HRH2: variants seen among roughly 807,000 people sequenced by gnomAD.
HRH2 encodes the protein histamine receptor H2.
HRH2 carries 4 observed loss-of-function variants against 20.1 expected under a neutral mutation model. That is an observed-to-expected ratio of 0.20 (90% CI 0.10 to 0.45). The LOEUF is 0.45. HRH2 is among the 20% of genes least tolerant of loss of function. The probability of loss-of-function intolerance (pLI) is 0.99; values close to 1 mark genes in which losing one functional copy is unlikely to be tolerated. For synonymous variants in HRH2, 197 were observed against 200.7 expected (o/e 0.98, Z 0.16); for missense variants, 250 against 461.6 (o/e 0.54, Z 4.20).
At chr5:175,673,928 C>G (rs1477446825) in intron 1 of HRH2, among the ~76,000 whole-genome samples, 1 of 152,162 alleles carries the variant, frequency 6.6e-6, no homozygotes, top group African/African-American at 2.4e-5. Flanking sequence ...TGGTCTCGAA[C>G]TCCTGACCTC....
intron 2 of HRH2, chr5:175,685,227 T>C (rs1273561322): frequency 6.4e-6 from 1 of 156,626 alleles, no homozygotes; most frequent in African/African-American, 2.4e-5. Context: ...ACAAAGCCAA[T>C]GCAGGATCTT....
In HRH2 at chr5:175,682,968, C is replaced by T. The variant is rs917553432; in HGVS notation, c.-266C>T. 3 of 420,320 alleles carry T rather than the reference C, an allele frequency of 7.1e-6. No homozygotes were observed. Among genetic ancestry groups the T allele is most frequent in the East Asian group, 4.0e-5 (1 of 25,284 alleles). The allele number at this position is 420,320 out of a possible 1,614,324, so 26.0% of individuals were successfully genotyped here. A position where few individuals can be genotyped will look rare whatever the true frequency, so the allele number is the denominator to read the frequency against. On this transcript the variant is annotated 5_prime_UTR_variant, in exon 2 of 3. Coordinates refer to ENST00000636584, the MANE Select transcript of HRH2 (RefSeq NM_001367711.1). ...GGAGTTTGATCCATGAACCTGGCTT[C>T]GAGGCCTTGCTTTTCTCTCTTCTTC...
chr5:175,672,563 C>A (rs554077331), intron 1 of HRH2, among the ~76,000 whole-genome samples: 1 of 152,196 alleles, frequency 6.6e-6, no homozygotes, highest in Non-Finnish European at 1.5e-5. Context: ...CAAAGATTAC[C>A]TGACACTTTC....
intron 1 of HRH2, among the ~76,000 whole-genome samples, chr5:175,671,425 G>T (rs1755535660): frequency 6.6e-6 from 1 of 152,202 alleles, no homozygotes; most frequent in African/African-American, 2.4e-5. Flanking sequence ...GAGGCTGGGG[G>T]AGAGAATAGA....
chr5:175,670,999 C>T (rs560226266), intron 1 of HRH2, among the ~76,000 whole-genome samples: 1 of 152,364 alleles, frequency 6.6e-6, no homozygotes, highest in East Asian at 1.9e-4. Context: ...GAATGGCGCA[C>T]ATGGGGTTAA....
At chr5:175,694,283 G>A (rs1490789386) in intron 2 of HRH2, among the ~76,000 whole-genome samples, 1 of 152,146 alleles carries the variant, frequency 6.6e-6, no homozygotes, top group Non-Finnish European at 1.5e-5. Context: ...TAAACATGGT[G>A]GCTTTGGAAG....
At chr5:175,692,518 G>A (rs924661957) in intron 2 of HRH2, among the ~76,000 whole-genome samples, 1 of 152,186 alleles carries the variant, frequency 6.6e-6, no homozygotes, top group Non-Finnish European at 1.5e-5. Flanking sequence ...ATGCCTCCCT[G>A]AGAGAATTAG....
At chr5:175,666,388 A>T (rs571777546) in intron 1 of HRH2, among the ~76,000 whole-genome samples, 1 of 152,046 alleles carries the variant, frequency 6.6e-6, no homozygotes, top group South Asian at 2.1e-4. Flanking sequence ...TGCAACAGAG[A>T]CCCCAGTTGA....
chr5:175,687,109 C>T lies in HRH2; in HGVS notation c.1076+2800C>T, dbSNP rs1229019674. Among the ~76,000 whole-genome samples the T allele has an allele frequency of 6.6e-6, 1 of 152,178 alleles. No individual in the cohort carries two copies. The highest frequency in any genetic ancestry group is 1.5e-5 in the Non-Finnish European group (1 of 68,022). On this transcript the variant is annotated intron_variant, in intron 2 of 2. Coordinates refer to ENST00000636584, the MANE Select transcript of HRH2 (RefSeq NM_001367711.1). The surrounding 1 kb of genome is among the most constrained non-coding windows in gnomAD (Gnocchi z 5.2). ...TCACGGCTATGGTCTGTCCTCCAGC[C>T]CCCAGGAGCAGGGGCAGAGGGCTTT... is the stretch of plus-strand genomic sequence containing the variant.
At chr5:175,694,738 G>A (rs1047813399) in intron 2 of HRH2, among the ~76,000 whole-genome samples, 1 of 152,172 alleles carries the variant, frequency 6.6e-6, no homozygotes, top group Non-Finnish European at 1.5e-5. Context: ...CCTCTGGATG[G>A]GAAGTGGAGC....
intron 2 of HRH2, among the ~76,000 whole-genome samples, chr5:175,700,887 C>CA (rs945828930): frequency 1.3e-5 from 2 of 150,186 alleles, no homozygotes; most frequent in Non-Finnish European, 3.0e-5. Flanking sequence ...GACTCTGTCT[C>CA]AAAAAAAAGA....
chr5:175,682,178 C>T (rs1312822189), intron 1 of HRH2, among the ~76,000 whole-genome samples: 2 of 152,224 alleles, frequency 1.3e-5, no homozygotes, highest in African/African-American at 2.4e-5. Flanking sequence ...TGAGGCAGAA[C>T]GTGTTTATTA....
chr5:175,686,576 C>T lies in HRH2; in HGVS notation c.1076+2267C>T, dbSNP rs1050072750. 6.6e-6 allele frequency among the ~76,000 whole-genome samples: 1 copy of T among 152,232 alleles called. No individual in the cohort carries two copies. The highest frequency in any genetic ancestry group is 2.4e-5 in the African/African-American group (1 of 41,458). On this transcript the variant is annotated intron_variant, in intron 2 of 2. Transcript: ENST00000636584. The surrounding 1 kb of genome is among the most constrained non-coding windows in gnomAD (Gnocchi z 4.7). ...GCTCATGGTCTAGTTAAGAAGCTGA[C>T]TGGTCAGATTCAGAGCCACACATGC...
At chr5:175,658,290 C>T (rs1008150187) in intron 1 of HRH2, 135 bp downstream of exon 1, 1 of 152,166 alleles carries the variant, frequency 6.6e-6, no homozygotes, top group African/African-American at 2.4e-5. Flanking sequence ...GGCCCCGAAC[C>T]CGGGTTCGAG....
intron 2 of HRH2, among the ~76,000 whole-genome samples, chr5:175,705,558 A>G (rs1756918281): frequency 6.6e-6 from 1 of 152,170 alleles, no homozygotes; most frequent in South Asian, 2.1e-4. Context: ...ACAGATGTAA[A>G]TAGTTATCAA....
chr5:175,707,891 TC>T lies in HRH2; in HGVS notation c.1190del (p.Ser397TrpfsTer18), dbSNP rs1302982121. On this transcript the variant is annotated frameshift_variant, in exon 3 of 3. Transcript: ENST00000636584. LOFTEE classifies it low-confidence loss of function (END_TRUNC). Reference protein sequence around the residue: ...RHMGGPSEELSGEPLSEEPQK... With the variant: ...RHMGGPSEELXGEPLSEEPQK... ...CATGGGAGGCCCCTCGGAGGAGCTA[TC>T]GGGGGAGCCACTGTCTGAGGAGCCA... is the stretch of plus-strand genomic sequence containing the variant. 2 of 399,060 alleles carry T rather than the reference TC, an allele frequency of 5.0e-6. No homozygotes were observed. The highest frequency in any genetic ancestry group is 2.1e-5 in the African/African-American group (1 of 48,620). 24.7% of individuals were successfully genotyped at this position (399,060 alleles called of 1,614,324 possible).
At position 175,681,778 on chromosome 5, in the gene HRH2, C is replaced by A. The variant is rs373844835; in HGVS notation, c.-525-931C>A. Among the ~76,000 whole-genome samples the A allele has an allele frequency of 2.6e-5, 4 of 152,152 alleles. No homozygotes were observed. The highest frequency in any genetic ancestry group is 9.7e-5 in the African/African-American group (4 of 41,442). The stretch of plus-strand genomic sequence containing the variant: ...AACCTATTCATGGTGAGCCTCCCCA[C>A]AGACTGTTATGCAACCATTAGAAGG... On this transcript the variant is annotated intron_variant, in intron 1 of 2. Transcript: ENST00000636584. The surrounding 1 kb of genome is among the most constrained non-coding windows in gnomAD (Gnocchi z 4.3).
intron 2 of HRH2, among the ~76,000 whole-genome samples, chr5:175,697,711 C>T (rs1371533793): frequency 9.9e-5 from 15 of 152,178 alleles, no homozygotes; most frequent in Non-Finnish European, 1.9e-4. Flanking sequence ...AGTAGCTCCC[C>T]GGTGCCTGCC....
intron 2 of HRH2, among the ~76,000 whole-genome samples, chr5:175,701,215 C>T (rs1182092162): frequency 3.3e-5 from 5 of 152,254 alleles, no homozygotes; most frequent in African/African-American, 1.2e-4. Context: ...GGGTCCTGTC[C>T]CCTGGTGGCT....
Sources: gnomAD v4.1 joint callset for allele counts (sites outside exome capture counted in the v4.1 genomes callset) on GRCh38, gnomAD v4.1.1 for gene constraint, Gnocchi (gnomAD v3.1) non-coding constraint, MANE v1.5 for transcripts, NCBI Gene and HGNC (gene_info 2026-07-23, HGNC 2026-07-21) for gene names.